LINGO2: variants seen among roughly 807,000 people sequenced by gnomAD.
LINGO2 encodes leucine rich repeat and Ig domain containing 2, also known as leucine-rich repeat and immunoglobulin-like domain-containing nogo receptor-interacting protein 2.
Under a neutral mutation model 30.6 loss-of-function variants are expected in LINGO2, and 14 were observed. The ratio of observed to expected loss-of-function variants is 0.46; its 90% confidence interval spans 0.30 to 0.72. The LOEUF is 0.72. Among genes scored for constraint, LINGO2 ranks in the 30% least tolerant of loss-of-function variants. The pLI is 0.07. For synonymous variants in LINGO2, 317 were observed against 288.5 expected, an observed-to-expected ratio of 1.10 and a Z score of -1.00; for missense variants, 729 against 751.7, an observed-to-expected ratio of 0.97 and a Z score of 0.35.
Position 28,363,754 on chromosome 9 carries a change from A to G in LINGO2, c.-246+9082T>C, listed in dbSNP as rs574473063. On this transcript the variant is annotated intron_variant, in intron 3 of 5. Coordinates refer to ENST00000379992, the Ensembl canonical transcript of LINGO2. ...ATTTCTACTATTATCTTCATGATCA[A>G]TTCCTGAGATTCCTGTTCCATGTGC... is the stretch of plus-strand genomic sequence containing the variant. Among the ~76,000 whole-genome samples, 13 of 152,224 alleles carry G rather than the reference A, an allele frequency of 8.5e-5. No individual in the cohort carries two copies. The South Asian group carries it at 2.3e-3, about 27-fold the overall frequency.
At chr9:28,911,977 T>A in the LINGO2 span, among the ~76,000 whole-genome samples, 1 of 152,144 alleles carries the variant, frequency 6.6e-6, no homozygotes, top group African/African-American at 2.4e-5. Flanking sequence ...ATTGAAGATA[T>A]ATTAAATAAA....
the LINGO2 span, among the ~76,000 whole-genome samples, chr9:28,933,385 G>C: frequency 6.6e-6 from 1 of 152,090 alleles, no homozygotes; most frequent in African/African-American, 2.4e-5. Flanking sequence ...TAGCCTCCTT[G>C]TCCGCCAATC....
At chr9:28,797,321 C>A in the LINGO2 span, among the ~76,000 whole-genome samples, 1 of 78,556 alleles carries the variant, frequency 1.3e-5, no homozygotes, top group African/African-American at 5.0e-5. Context: ...TATGTGATAT[C>A]ATATATACAT....
At chr9:28,607,916 G>A (rs1825759100) in intron 1 of LINGO2, among the ~76,000 whole-genome samples, 1 of 151,992 alleles carries the variant, frequency 6.6e-6, no homozygotes, top group Non-Finnish European at 1.5e-5. Context: ...CAAACAACTG[G>A]TGCTGCCTAG....
chr9:28,138,365 T>C (rs529810197), intron 4 of LINGO2, among the ~76,000 whole-genome samples: 8 of 152,224 alleles, frequency 5.3e-5, no homozygotes, highest in Non-Finnish European at 1.2e-4. Context: ...TCTACATGTA[T>C]GGAATACGGG....
intron 1 of LINGO2, among the ~76,000 whole-genome samples, chr9:28,520,159 G>A (rs972157093): frequency 2.6e-5 from 4 of 152,022 alleles, no homozygotes; most frequent in African/African-American, 7.2e-5. Context: ...TTCTTATGCC[G>A]CTTTTGTGTT....
chr9:28,682,338 G>A, the LINGO2 span, among the ~76,000 whole-genome samples: 2,118 of 152,218 alleles, frequency 0.014, 49 homozygotes, highest in African/African-American at 0.048. Context: ...ACTGGACTGT[G>A]CCTGACTTGC....
intron 3 of LINGO2, among the ~76,000 whole-genome samples, chr9:28,313,202 T>C (rs1824701151): frequency 6.6e-6 from 1 of 152,216 alleles, no homozygotes; most frequent in East Asian, 1.9e-4. Flanking sequence ...CATAATTATA[T>C]CTGGAAGCAT....
At chr9:28,489,896 C>CAAAAA (rs36068240) in intron 1 of LINGO2, among the ~76,000 whole-genome samples, 6 of 66,896 alleles carry the variant, frequency 9.0e-5, no homozygotes, top group South Asian at 5.3e-4. Context: ...GACTTTGTCT[C>CAAAAA]AAAAAAAAAA....
At chr9:28,090,573 T>A (rs542818525) in intron 4 of LINGO2, among the ~76,000 whole-genome samples, 1 of 152,184 alleles carries the variant, frequency 6.6e-6, no homozygotes, top group East Asian at 1.9e-4. Flanking sequence ...CACAAAATAA[T>A]AAGAGCTATT....
chr9:28,746,158 C>T, the LINGO2 span, among the ~76,000 whole-genome samples: 3 of 151,914 alleles, frequency 2.0e-5, no homozygotes, highest in Non-Finnish European at 4.4e-5. Context: ...CAATTATACT[C>T]ACCTCTAAAA....
At chr9:28,032,088 A>G (rs1587729622) in intron 4 of LINGO2, among the ~76,000 whole-genome samples, 1 of 151,906 alleles carries the variant, frequency 6.6e-6, no homozygotes, top group East Asian at 1.9e-4. Flanking sequence ...GAAAAACCGC[A>G]GAGCTGGGGG....
At chr9:28,395,684 TAAAC>T (rs1261826290) in intron 2 of LINGO2, among the ~76,000 whole-genome samples, 2 of 152,204 alleles carry the variant, frequency 1.3e-5, no homozygotes, top group African/African-American at 4.8e-5. Flanking sequence ...TTTATATACT[TAAAC>T]AGACATAGTA....
At chr9:28,665,256 T>C (rs1828754357) in intron 1 of LINGO2, among the ~76,000 whole-genome samples, 1 of 151,888 alleles carries the variant, frequency 6.6e-6, no homozygotes, top group Admixed American at 6.6e-5. Flanking sequence ...TGATCAAATC[T>C]ACTCTAGATC....
At chr9:28,047,706 G>A (rs114321338) in intron 4 of LINGO2, among the ~76,000 whole-genome samples, 1 of 150,810 alleles carries the variant, frequency 6.6e-6, no homozygotes, top group Non-Finnish European at 1.5e-5. Flanking sequence ...TTAGCACAAT[G>A]TCGGGTGCAT....
chr9:27,980,281 A>G (rs767336267), intron 5 of LINGO2, among the ~76,000 whole-genome samples: 12 of 151,938 alleles, frequency 7.9e-5, no homozygotes, highest in Non-Finnish European at 4.4e-5. Context: ...CCATTTATTC[A>G]TTCAATTCCC....
At chr9:28,862,494 C>A in the LINGO2 span, among the ~76,000 whole-genome samples, 1 of 151,988 alleles carries the variant, frequency 6.6e-6, no homozygotes, top group Non-Finnish European at 1.5e-5. Flanking sequence ...TTTTATCTAA[C>A]AGAAGGGCTT....
the LINGO2 span, among the ~76,000 whole-genome samples, chr9:29,056,992 C>T: frequency 1.1e-4 from 17 of 151,938 alleles, no homozygotes; most frequent in Non-Finnish European, 2.2e-4. Flanking sequence ...TGACTAGAGC[C>T]GTATAGTATA....
chr9:28,855,475 T>C, the LINGO2 span, among the ~76,000 whole-genome samples: 4 of 152,000 alleles, frequency 2.6e-5, no homozygotes, highest in African/African-American at 9.7e-5. Flanking sequence ...ACACCCCACA[T>C]TTACCCTTAA....
Sources: allele counts gnomAD v4.1 joint callset (sites outside exome capture counted in the v4.1 genomes callset), GRCh38; gene constraint gnomAD v4.1.1; transcripts MANE v1.5; gene names NCBI Gene and HGNC (gene_info 2026-07-23, HGNC 2026-07-21).